Variants in FMO3 observed in about 807,000 individuals in gnomAD.
The protein encoded by FMO3 is flavin containing dimethylaniline monoxygenase 3, also known as flavin-containing monooxygenase 3.
FMO3 carries 40 observed loss-of-function variants against 39.4 expected under a neutral mutation model. That is an observed-to-expected ratio of 1.02 (90% CI 0.79 to 1.32). The LOEUF (loss-of-function observed/expected upper bound fraction) is 1.32, where lower values mean the gene tolerates loss of function less well. Among genes scored for constraint, FMO3 ranks in the 40% most tolerant of loss-of-function variants. The probability of loss-of-function intolerance (pLI) is 0.00; values close to 1 mark genes in which losing one functional copy is unlikely to be tolerated. For synonymous variants in FMO3, 219 were observed against 228.8 expected, an observed-to-expected ratio of 0.96 and a Z score of 0.39; for missense variants, 680 against 651.8, an observed-to-expected ratio of 1.04 and a Z score of -0.47.
At chr1:171,113,159 A>G (rs1004076496) in intron 6 of FMO3, among the ~76,000 whole-genome samples, 12 of 152,078 alleles carry the variant, frequency 7.9e-5, no homozygotes, top group African/African-American at 2.7e-4. Context: ...CCACAGCCAT[A>G]CAAGAACAAC....
At chr1:171,105,208 G>A (rs1264452418) in intron 3 of FMO3, among the ~76,000 whole-genome samples, 1 of 152,048 alleles carries the variant, frequency 6.6e-6, no homozygotes, top group African/African-American at 2.4e-5. Flanking sequence ...TTCCAAACTT[G>A]CAGTGAACAA....
intron 2 of FMO3, chr1:171,099,759 C>CTTTTTTTTTTTTTTTTTTTTTT (rs747274398): frequency 7.7e-5 from 9 of 117,610 alleles, no homozygotes; most frequent in Admixed American, 9.3e-5. Context: ...CCATGTCTTT[C>CTTTTTTTTTTTTTTTTTTTTTT]TTTTTTTTTT....
At chr1:171,112,048 G>T (rs938338992) in intron 6 of FMO3, among the ~76,000 whole-genome samples, 4 of 152,106 alleles carry the variant, frequency 2.6e-5, no homozygotes, top group Admixed American at 6.5e-5. Flanking sequence ...GAGCCATGAG[G>T]GTCTCAGGGG....
intron 2 of FMO3, among the ~76,000 whole-genome samples, chr1:171,097,736 TG>T (rs1357532060): frequency 6.6e-6 from 1 of 151,350 alleles, no homozygotes; most frequent in African/African-American, 2.4e-5. Flanking sequence ...TCCCATTTTA[TG>T]GGTTGCCTGT....
intron 7 of FMO3, among the ~76,000 whole-genome samples, chr1:171,115,773 T>C (rs994173285): frequency 2.6e-5 from 4 of 152,210 alleles, no homozygotes. Flanking sequence ...ATTCAAGAAC[T>C]ACTGGCTTCC....
At chr1:171,105,522 C>A (rs1479145478) in intron 3 of FMO3, among the ~76,000 whole-genome samples, 1 of 152,020 alleles carries the variant, frequency 6.6e-6, no homozygotes, top group East Asian at 1.9e-4. Flanking sequence ...AAAAGTGTTC[C>A]TATTTCTCCA....
chr1:171,098,835 G>T (rs1426839815), intron 2 of FMO3, among the ~76,000 whole-genome samples: 1 of 152,186 alleles, frequency 6.6e-6, no homozygotes, highest in African/African-American at 2.4e-5. Context: ...ATGTTGAATA[G>T]GAGTGGTGTG....
At chr1:171,115,381 C>T (rs1167740289) in intron 7 of FMO3, among the ~76,000 whole-genome samples, 2 of 151,824 alleles carry the variant, frequency 1.3e-5, no homozygotes, top group Non-Finnish European at 2.9e-5. Context: ...GGCTAAAAAA[C>T]AGTCTCTTTC....
chr1:171,110,696 G>T (rs1655865797), intron 5 of FMO3, 102 bp from the exon 6 acceptor site: 1 of 1,073,450 alleles, frequency 9.3e-7, no homozygotes, highest in Non-Finnish European at 1.5e-6. Context: ...ACTTTCTGCA[G>T]CTGGGGTAAT....
rs72549330 is a variant in FMO3 at position 171,114,119 on chromosome 1, G to T, written c.940G>T (p.Glu314Ter). Residue 314 changes from glutamate (E) to a stop codon, truncating the protein, a stop_gained, in exon 7 of 9, where the codon GAG (glutamate) becomes TAG (stop). Transcript: ENST00000367755. LOFTEE classifies it high-confidence loss of function. The part of the protein sequence containing the change: ...KEFTETSAIF[E>*]DGTIFEGIDC... ...ATTCACAGAGACCTCGGCCATTTTT[G>T]AGGATGGGACCATATTTGAGGGCAT... is the stretch of plus-strand genomic sequence containing the variant. The T allele has an allele frequency of 6.2e-7, 1 of 1,613,856 alleles. No homozygotes were observed. Among genetic ancestry groups the T allele is most frequent in the Non-Finnish European group, 8.5e-7 (1 of 1,179,860 alleles).
Position 171,107,655 on chromosome 1 carries a change from T to G in FMO3, c.322-20T>G. 3 of 1,609,322 alleles carry G rather than the reference T, an allele frequency of 1.9e-6. No homozygotes were observed. The highest frequency in any genetic ancestry group is 2.6e-6 in the Non-Finnish European group (3 of 1,175,792). On this transcript the variant is annotated intron_variant, in intron 3 of 8. Coordinates refer to ENST00000367755, the MANE Select transcript of FMO3 (RefSeq NM_001002294.3). ...TTTGCTAGCATAGAAAAGAGGGATT[T>G]CTTTCTGTATTTCTCTTAGACATTT...
rs1256177562 is a variant in FMO3, at chr1:171,095,889, A to G, written c.132+3099A>G. 1.1e-4 allele frequency among the ~76,000 whole-genome samples: 5 copies of G among 45,590 alleles called. No homozygotes were observed. The East Asian group carries it at 2.5e-3, about 23-fold the overall frequency. The allele number at this position is 45,590 out of a possible 152,430, so 29.9% of individuals were successfully genotyped here. On this transcript the variant is annotated intron_variant, in intron 2 of 8. Transcript: ENST00000367755. ...AATATATATAAAATATAATTATATT[A>G]TATATAATTATAATATGTATAAATA...
chr1:171,099,398 T>C (rs1315811868), intron 2 of FMO3, among the ~76,000 whole-genome samples: 1 of 152,220 alleles, frequency 6.6e-6, no homozygotes, highest in African/African-American at 2.4e-5. Flanking sequence ...CTGTATGTTA[T>C]TAAAATGTGT....
At chr1:171,116,154 G>T (rs1182298244) in intron 7 of FMO3, 54 bp from the exon 8 acceptor site, 3 of 1,078,724 alleles carry the variant, frequency 2.8e-6, no homozygotes, top group Non-Finnish European at 4.3e-6. Context: ...AAAATTACAG[G>T]CTGGTCCTAT....
At chr1:171,094,800 T>A (rs1571198632) in intron 2 of FMO3, among the ~76,000 whole-genome samples, 1 of 152,190 alleles carries the variant, frequency 6.6e-6, no homozygotes. Context: ...GATCTATGTG[T>A]CTATGTTTAT....
intron 7 of FMO3, 75 bp downstream of exon 7, chr1:171,114,437 A>G (rs1656057848): frequency 3.6e-6 from 4 of 1,108,022 alleles, no homozygotes; most frequent in African/African-American, 3.1e-5. Flanking sequence ...TGTGAAAACA[A>G]TAATCCTAGT....
intron 5 of FMO3, among the ~76,000 whole-genome samples, chr1:171,108,936 A>T (rs1655773896): frequency 6.6e-6 from 1 of 152,216 alleles, no homozygotes; most frequent in South Asian, 2.1e-4. Flanking sequence ...AAGAGGCGAC[A>T]GAAGCTGTTC....
intron 3 of FMO3, among the ~76,000 whole-genome samples, chr1:171,106,001 A>G (rs1365945803): frequency 3.1e-5 from 4 of 130,082 alleles, no homozygotes; most frequent in Non-Finnish European, 4.9e-5. Context: ...AAAATATACA[A>G]AAACTTTCCA....
intron 3 of FMO3, among the ~76,000 whole-genome samples, chr1:171,106,298 G>A (rs1655634923): frequency 6.6e-6 from 1 of 151,906 alleles, no homozygotes; most frequent in South Asian, 2.1e-4. Flanking sequence ...GCACCACCAT[G>A]CCCAACTAAT....
Sources: gnomAD v4.1 joint callset for allele counts (sites outside exome capture counted in the v4.1 genomes callset) on GRCh38, gnomAD v4.1.1 for gene constraint, MANE v1.5 for transcripts, NCBI Gene and HGNC (gene_info 2026-07-23, HGNC 2026-07-21) for gene names.